ZNF407: variants seen among roughly 807,000 people sequenced by gnomAD.
ZNF407 encodes the protein zinc finger protein 407.
In ZNF407, 17 loss-of-function variants were observed where a neutral mutation model predicts 131.2. The ratio of observed to expected loss-of-function variants is 0.13; its 90% confidence interval spans 0.09 to 0.19. ZNF407 has a LOEUF of 0.19. Ranked by LOEUF, ZNF407 falls within the 10% of genes least tolerant of loss-of-function variation. The pLI is 1.00. For missense variants in ZNF407, 2,681 were observed against 2,830.6 expected, an observed-to-expected ratio of 0.95 and a Z score of 1.20; for synonymous variants, 1,156 against 1,062.0, an observed-to-expected ratio of 1.09 and a Z score of -1.72.
intron 8 of ZNF407, among the ~76,000 whole-genome samples, chr18:74,966,175 A>C (rs1265463800): frequency 1.3e-5 from 2 of 152,140 alleles, no homozygotes; most frequent in Non-Finnish European, 2.9e-5. Flanking sequence ...TGATGTGATC[A>C]CATTTGTCCA....
At chr18:74,822,125 T>C (rs1295531257) in intron 4 of ZNF407, among the ~76,000 whole-genome samples, 2 of 152,214 alleles carry the variant, frequency 1.3e-5, no homozygotes, top group Non-Finnish European at 1.5e-5. Context: ...GGGTTGTTTT[T>C]TTCTTGTAAA....
intron 3 of ZNF407, among the ~76,000 whole-genome samples, chr18:74,779,153 T>C (rs1419634912): frequency 2.3e-5 from 3 of 133,098 alleles, no homozygotes; most frequent in Non-Finnish European, 4.7e-5. Flanking sequence ...GCTTGCTCTG[T>C]CGTCCAGGCT....
intron 1 of ZNF407, among the ~76,000 whole-genome samples, chr18:74,603,668 A>G (rs1319809112): frequency 1.3e-5 from 2 of 152,166 alleles, no homozygotes; most frequent in Non-Finnish European, 2.9e-5. Flanking sequence ...TTCATTCCAC[A>G]TCTTTCTTTA....
intron 8 of ZNF407, among the ~76,000 whole-genome samples, chr18:74,999,429 C>A (rs1429223343): frequency 6.3e-5 from 9 of 143,354 alleles, no homozygotes; most frequent in Admixed American, 6.3e-4. Context: ...TTTATACAAA[C>A]TGTGATTCGT....
intron 7 of ZNF407, among the ~76,000 whole-genome samples, chr18:74,903,344 G>T (rs953787529): frequency 2.6e-5 from 4 of 152,060 alleles, no homozygotes; most frequent in African/African-American, 9.7e-5. Context: ...TACTTAAATT[G>T]CTTGATTTGT....
intron 4 of ZNF407, among the ~76,000 whole-genome samples, chr18:74,814,477 A>C (rs1225013644): frequency 2.0e-5 from 3 of 152,142 alleles, no homozygotes; most frequent in Non-Finnish European, 4.4e-5. Flanking sequence ...AATGATCCTA[A>C]TGTATGTTTA....
chr18:74,799,992 A>G (rs1382507414), intron 4 of ZNF407, among the ~76,000 whole-genome samples: 3 of 150,538 alleles, frequency 2.0e-5, no homozygotes, highest in Non-Finnish European at 4.4e-5. Flanking sequence ...CCAAAAATAC[A>G]TGGTCCATCT....
intron 7 of ZNF407, among the ~76,000 whole-genome samples, chr18:74,908,161 T>G (rs1326391613): frequency 1.3e-5 from 2 of 152,210 alleles, no homozygotes; most frequent in East Asian, 3.8e-4. Context: ...TTGCCCTACC[T>G]TTTAACTTTA....
chr18:74,733,497 GTTTC>G (rs1234953636), intron 3 of ZNF407, among the ~76,000 whole-genome samples: 2 of 151,796 alleles, frequency 1.3e-5, no homozygotes, highest in African/African-American at 2.4e-5. Context: ...CATTTTATCT[GTTTC>G]TTATCATTTG....
At chr18:74,911,775 C>A (rs2145224795) in intron 7 of ZNF407, among the ~76,000 whole-genome samples, 1 of 152,310 alleles carries the variant, frequency 6.6e-6, no homozygotes, top group African/African-American at 2.4e-5. Context: ...AGTGAGCGAT[C>A]ACTCCATGCT....
Position 74,631,914 on chromosome 18 carries a change from A to G in ZNF407, c.895A>G (p.Lys299Glu), listed in dbSNP as rs1429844509. 2 of 1,613,982 alleles carry G rather than the reference A, an allele frequency of 1.2e-6. No individual in the cohort carries two copies. The highest frequency in any genetic ancestry group is 1.7e-5 in the Admixed American group (1 of 60,000). The change falls in exon 2 of 9, where the codon AAA becomes GAA. Residue 299 changes from lysine (K) to glutamate (E), a missense_variant. By Grantham distance (56) the Lys-to-Glu change is moderately conservative. Around this residue, in one of 6 missense-constraint regions of ZNF407, gnomAD observed 1,789 missense variants for 1,748.7 expected, o/e 1.02. Coordinates refer to ENST00000299687, the MANE Select transcript of ZNF407 (RefSeq NM_017757.3). ...TAAAAAATCACGTACAATGGCAACA[A>G]AAAATGTTCACTCAAAACCAAGAAC... is the stretch of plus-strand genomic sequence containing the variant. The part of the protein sequence containing the change: ...FPKKSRTMAT[K>E]NVHSKPRTSK...
chr18:74,606,057 C>T (rs1001216032), intron 1 of ZNF407, among the ~76,000 whole-genome samples: 17 of 152,202 alleles, frequency 1.1e-4, no homozygotes, highest in African/African-American at 3.9e-4. Context: ...CCTAACCCTT[C>T]AGATTGTCAG....
At chr18:74,728,747 A>G (rs1350371181) in intron 3 of ZNF407, among the ~76,000 whole-genome samples, 3 of 152,126 alleles carry the variant, frequency 2.0e-5, no homozygotes, top group African/African-American at 7.2e-5. Flanking sequence ...TGCAGTTACC[A>G]GTGGAGAGCG....
chr18:74,847,471 A>G (rs1054537997), intron 4 of ZNF407, among the ~76,000 whole-genome samples: 1 of 152,218 alleles, frequency 6.6e-6, no homozygotes, highest in Non-Finnish European at 1.5e-5. Flanking sequence ...TAAAGTTATA[A>G]GGGTCTAGGT....
Position 74,867,222 on chromosome 18 carries a change from C to T in ZNF407, c.4878-9975C>T, listed in dbSNP as rs1037377226. ...AATGCAGACACTACTTATGATCAGC[C>T]GTGTTGTCTTTGGCATATTAACTTT... On this transcript the variant is annotated intron_variant, in intron 4 of 8. Coordinates refer to ENST00000299687, the MANE Select transcript of ZNF407 (RefSeq NM_017757.3). 4.5e-4 allele frequency among the ~76,000 whole-genome samples: 69 copies of T among 152,162 alleles called. 1 individual carries two copies. Among genetic ancestry groups the T allele is most frequent in the African/African-American group, 1.6e-3 (65 of 41,524 alleles).
chr18:75,064,527 G>A lies in ZNF407; in HGVS notation c.*59G>A, dbSNP rs1973688036. The A allele has an allele frequency of 1.5e-6, 2 of 1,372,576 alleles. No homozygotes were observed. The highest frequency in any genetic ancestry group is 2.9e-5 in the Admixed American group (1 of 34,882). The allele number at this position is 1,372,576 out of a possible 1,614,324, so 85.0% of individuals were successfully genotyped here. A position where few individuals can be genotyped will look rare whatever the true frequency, so the allele number is the denominator to read the frequency against. ...TGTGGGAAGGTCCAGCTTCGGTGGG[G>A]GACCGTGTTCCCTGAGCTTCATCTG... On this transcript the variant is annotated 3_prime_UTR_variant, in exon 9 of 9. Transcript: ENST00000299687.
At chr18:74,732,687 C>T (rs1968320890) in intron 3 of ZNF407, among the ~76,000 whole-genome samples, 1 of 152,158 alleles carries the variant, frequency 6.6e-6, no homozygotes, top group Non-Finnish European at 1.5e-5. Flanking sequence ...TGATACCTAA[C>T]ATTTTGACTT....
intron 3 of ZNF407, among the ~76,000 whole-genome samples, chr18:74,730,191 A>T (rs574230868): frequency 6.6e-6 from 1 of 152,314 alleles, no homozygotes; most frequent in South Asian, 2.1e-4. Context: ...TGGAATTTTC[A>T]GTGTCTGGGA....
intron 1 of ZNF407, among the ~76,000 whole-genome samples, chr18:74,630,073 T>C (rs548420517): frequency 6.6e-6 from 1 of 152,228 alleles, no homozygotes; most frequent in East Asian, 1.9e-4. Context: ...AATGGTGATA[T>C]GTAATGAGAT....
Sources: allele counts gnomAD v4.1 joint callset (sites outside exome capture counted in the v4.1 genomes callset), GRCh38; gene constraint gnomAD v4.1.1; regional missense constraint gnomAD v4.1.1; transcripts MANE v1.5; gene names NCBI Gene and HGNC (gene_info 2026-07-23, HGNC 2026-07-21).